Variants in PNPT1 observed in about 807,000 individuals in gnomAD.
PNPT1 encodes the protein polyribonucleotide nucleotidyltransferase 1, mitochondrial.
A neutral mutation model predicts 119.5 loss-of-function variants in PNPT1; 53 were observed. The observed-to-expected ratio is 0.44, with a 90% CI of 0.36 to 0.56. The LOEUF is 0.56. Among genes scored for constraint, PNPT1 ranks in the 20% least tolerant of loss-of-function variants. PNPT1 has a pLI of 0.00. For missense variants in PNPT1, 948 were observed against 938.5 expected (o/e 1.01, Z -0.13); for synonymous variants, 357 against 322.1 (o/e 1.11, Z -1.16).
intron 11 of PNPT1, among the ~76,000 whole-genome samples, chr2:55,669,736 T>C (rs1475135637): frequency 6.6e-6 from 1 of 150,788 alleles, no homozygotes; most frequent in African/African-American, 2.4e-5. Context: ...TTACAATTAA[T>C]GGCCTTAATA....
chr2:55,654,611 T>C (rs1696325120), intron 18 of PNPT1, among the ~76,000 whole-genome samples: 1 of 152,362 alleles, frequency 6.6e-6, no homozygotes, highest in South Asian at 2.1e-4. Flanking sequence ...TATCTGAAGC[T>C]CTACTTTTCA....
intron 22 of PNPT1, 134 bp from the exon 23 acceptor site, chr2:55,644,854 G>GTT (rs1695936550): frequency 2.1e-6 from 1 of 486,080 alleles, no homozygotes; most frequent in South Asian, 4.7e-5. Context: ...AAACAGAAAA[G>GTT]TAGATGATTA....
Position 55,667,906 on chromosome 2 carries a change from A to G in PNPT1, c.1029T>C (p.Val343=), listed in dbSNP as rs924568639. The change falls in exon 12 of 28, where the codon GTT becomes GTC. Residue 343 remains valine (V), a synonymous_variant. Coordinates refer to ENST00000447944, the MANE Select transcript of PNPT1 (RefSeq NM_033109.5). ...PYEIIESFNV[V]AKEVFRSIVL... ...CAATACTTCTAAAAACTTCCTTTGC[A>G]ACAACATTGAAGGATTCTATTATTT... The G allele has an allele frequency of 2.5e-6, 4 of 1,584,006 alleles. No homozygotes were observed. The African/African-American group carries it at 5.5e-5, about 22-fold the overall frequency.
At chr2:55,686,220 T>A (rs1443005041) in intron 3 of PNPT1, 150 bp downstream of exon 3, 1 of 648,618 alleles carries the variant, frequency 1.5e-6, no homozygotes, top group Non-Finnish European at 2.6e-6. Flanking sequence ...CAGTTTATAC[T>A]CTTTTAATGA....
At chr2:55,656,024 TTGG>T in intron 17 of PNPT1, 104 bp downstream of exon 17, 1 of 1,367,694 alleles carries the variant, frequency 7.3e-7, no homozygotes, top group Non-Finnish European at 9.8e-7. Context: ...TGCAACAAAC[TTGG>T]GTTCTGTAGT....
At chr2:55,661,375 G>A (rs774740563) in intron 14 of PNPT1, among the ~76,000 whole-genome samples, 4 of 151,930 alleles carry the variant, frequency 2.6e-5, no homozygotes, top group South Asian at 2.1e-4. Context: ...CAGGCCAGGC[G>A]TGAGCCACCA....
intron 2 of PNPT1, among the ~76,000 whole-genome samples, chr2:55,687,040 T>C (rs1362935440): frequency 6.6e-6 from 1 of 151,460 alleles, no homozygotes; most frequent in Non-Finnish European, 1.5e-5. Flanking sequence ...CGGTGAAACC[T>C]CGACTCTACT....
At chr2:55,653,984 T>C (rs372870215) in intron 18 of PNPT1, among the ~76,000 whole-genome samples, 37 of 152,194 alleles carry the variant, frequency 2.4e-4, no homozygotes, top group African/African-American at 8.4e-4. Context: ...AGCGGCCAGG[T>C]GTGGTGGCTC....
At chr2:55,643,123 G>A (rs762860845) in intron 25 of PNPT1, 35 bp downstream of exon 25, 60 of 1,609,710 alleles carry the variant, frequency 3.7e-5, no homozygotes, top group Middle Eastern at 1.6e-4. Flanking sequence ...CTAAAGAAAG[G>A]AAAATGCTCA....
chr2:55,692,828 C>T (rs1697659659), intron 1 of PNPT1, among the ~76,000 whole-genome samples: 1 of 152,258 alleles, frequency 6.6e-6, no homozygotes, highest in South Asian at 2.1e-4. Context: ...TCTTGTACTC[C>T]TAACTTCAAG....
At chr2:55,668,527 T>A (rs1696808318) in intron 11 of PNPT1, among the ~76,000 whole-genome samples, 1 of 151,990 alleles carries the variant, frequency 6.6e-6, no homozygotes, top group Non-Finnish European at 1.5e-5. Context: ...CGTGAGCCAA[T>A]GCGCCCGGCC....
At chr2:55,663,301 G>C (rs1696638312) in intron 13 of PNPT1, among the ~76,000 whole-genome samples, 1 of 152,230 alleles carries the variant, frequency 6.6e-6, no homozygotes. Context: ...GCAAGAGTCA[G>C]TGAGCATGAA....
Position 55,680,693 on chromosome 2 carries a change from C to A in PNPT1, c.565+19G>T, listed in dbSNP as rs909394174. On this transcript the variant is annotated intron_variant, in intron 7 of 27. Transcript: ENST00000447944. ...AAAAAAATACACATATGATTTCTTA[C>A]TTTTAAATCCTAACTTACCAACAGG... 1.2e-6 allele frequency: 2 copies of A among 1,603,346 alleles called. No individual in the cohort carries two copies. The highest frequency in any genetic ancestry group is 1.7e-6 in the Non-Finnish European group (2 of 1,173,890).
At chr2:55,666,593 A>G (rs561885313) in intron 13 of PNPT1, among the ~76,000 whole-genome samples, 55 of 152,158 alleles carry the variant, frequency 3.6e-4, no homozygotes, top group Non-Finnish European at 7.1e-4. Flanking sequence ...GTATCCCAGA[A>G]CACCAGGAGG....
At chr2:55,674,065 G>A (rs1253132538) in intron 8 of PNPT1, among the ~76,000 whole-genome samples, 1 of 152,154 alleles carries the variant, frequency 6.6e-6, no homozygotes, top group Non-Finnish European at 1.5e-5. Context: ...AACACAATAG[G>A]AATCTAATAA....
At chr2:55,658,129 G>A (rs1378310094) in intron 15 of PNPT1, among the ~76,000 whole-genome samples, 5 of 151,686 alleles carry the variant, frequency 3.3e-5, no homozygotes, top group African/African-American at 9.7e-5. Context: ...GCTACTTGGG[G>A]GACTGAGGCA....
At chr2:55,641,153 G>A (rs1285181783) in intron 25 of PNPT1, among the ~76,000 whole-genome samples, 1 of 152,144 alleles carries the variant, frequency 6.6e-6, no homozygotes, top group Non-Finnish European at 1.5e-5. Context: ...GAACCCGAAA[G>A]GCGGAGGTGG....
intron 15 of PNPT1, among the ~76,000 whole-genome samples, chr2:55,658,171 T>C (rs1696450998): frequency 6.6e-6 from 1 of 152,028 alleles, no homozygotes; most frequent in Non-Finnish European, 1.5e-5. Flanking sequence ...AGATGGAGGT[T>C]GCAGTGAGCC....
intron 3 of PNPT1, among the ~76,000 whole-genome samples, chr2:55,685,930 A>G (rs1697392559): frequency 6.6e-6 from 1 of 152,234 alleles, no homozygotes; most frequent in Admixed American, 6.5e-5. Context: ...CGTATTGCGT[A>G]GGGAATGACA....
Sources: gnomAD v4.1 joint callset for allele counts (sites outside exome capture counted in the v4.1 genomes callset) on GRCh38, gnomAD v4.1.1 for gene constraint, MANE v1.5 for transcripts, NCBI Gene and HGNC (gene_info 2026-07-23, HGNC 2026-07-21) for gene names.